The following CLEC4C variants were observed in gnomAD, a reference collection of about 807,000 sequenced individuals.
The protein encoded by CLEC4C is C-type lectin domain family 4 member C.
In CLEC4C, 17 loss-of-function variants were observed where a neutral mutation model predicts 27.7. The ratio of observed to expected loss-of-function variants is 0.61; its 90% CI spans 0.42 to 0.92. The LOEUF (loss-of-function observed/expected upper bound fraction) is 0.92. CLEC4C is among the 40% of genes least tolerant of loss of function. CLEC4C has a pLI of 0.00. For missense variants in CLEC4C, 244 were observed against 257.3 expected (o/e 0.95, Z 0.35); for synonymous variants, 80 against 80.8 (o/e 0.99, Z 0.06).
chr12:7,736,475 TTAA>T (rs1385982752), intron 4 of CLEC4C, among the ~76,000 whole-genome samples: 1 of 152,206 alleles, frequency 6.6e-6, no homozygotes, highest in Non-Finnish European at 1.5e-5. Context: ...ATGGCAAATA[TTAA>T]TATCATTTTT....
intron 2 of CLEC4C, among the ~76,000 whole-genome samples, chr12:7,745,631 C>T (rs1864958248): frequency 6.6e-6 from 1 of 151,286 alleles, no homozygotes; most frequent in South Asian, 2.1e-4. Context: ...CAGGGTTTCA[C>T]TATATGGTCC....
At chr12:7,739,487 G>T (rs1864805221) in intron 3 of CLEC4C, among the ~76,000 whole-genome samples, 1 of 152,016 alleles carries the variant, frequency 6.6e-6, no homozygotes, top group Non-Finnish European at 1.5e-5. Flanking sequence ...GGCCATAGAG[G>T]CATTTCTGGG....
intron 4 of CLEC4C, 41 bp downstream of exon 4, chr12:7,737,388 A>G: frequency 6.6e-7 from 1 of 1,519,880 alleles, no homozygotes. Context: ...CAGTTAAGAA[A>G]GGAAACAGAT....
chr12:7,737,593 A>G lies in CLEC4C; in HGVS notation c.236-19T>C. 6.2e-7 allele frequency: 1 copy of G among 1,601,390 alleles called. No homozygotes were observed. The highest frequency in any genetic ancestry group is 8.5e-7 in the Non-Finnish European group (1 of 1,174,944). On this transcript the variant is annotated intron_variant, in intron 3 of 5. Coordinates refer to ENST00000360345, the MANE Select transcript of CLEC4C (RefSeq NM_001371390.1). ...CTCCAATCTTCCCAAATGAGTATAG[A>G]AGAAGAAAAAATATTAACAGAGAAT...
At chr12:7,737,373 T>C in intron 4 of CLEC4C, 56 bp downstream of exon 4, 1 of 1,367,544 alleles carries the variant, frequency 7.3e-7, no homozygotes, top group Non-Finnish European at 9.7e-7. Flanking sequence ...AAAAAGACTC[T>C]TTATCAGTTA....
At chr12:7,743,448 G>A (rs528922642) in intron 2 of CLEC4C, among the ~76,000 whole-genome samples, 1 of 150,656 alleles carries the variant, frequency 6.6e-6, no homozygotes, top group Non-Finnish European at 1.5e-5. Context: ...GCAGTGGCGC[G>A]ATCTTGGCTC....
chr12:7,734,823 C>T (rs938584369), intron 4 of CLEC4C, among the ~76,000 whole-genome samples: 5 of 151,816 alleles, frequency 3.3e-5, no homozygotes, highest in Non-Finnish European at 7.4e-5. Context: ...GCTAGGATTA[C>T]AAGCATGAGC....
At chr12:7,734,349 G>C (rs1242181408) in intron 4 of CLEC4C, among the ~76,000 whole-genome samples, 1 of 152,126 alleles carries the variant, frequency 6.6e-6, no homozygotes, top group Non-Finnish European at 1.5e-5. Context: ...GCAAAAATTA[G>C]AGTCCAGAGC....
chr12:7,745,550 A>C (rs1240805563), intron 2 of CLEC4C, among the ~76,000 whole-genome samples: 1 of 144,956 alleles, frequency 6.9e-6, no homozygotes, highest in Admixed American at 7.5e-5. Flanking sequence ...CTCCTGCCTC[A>C]GCCTCCCAAG....
In CLEC4C at chr12:7,729,530, A is replaced by T; in HGVS notation, c.*66T>A. The T allele has an allele frequency of 6.7e-7, 1 of 1,487,950 alleles. No individual in the cohort carries two copies. Among genetic ancestry groups the T allele is most frequent in the Non-Finnish European group, 9.2e-7 (1 of 1,088,654 alleles). 92.2% of individuals were successfully genotyped at this position (1,487,950 alleles called of 1,614,324 possible). ...GTACAAAACTTACACATAAATTAAA[A>T]AATCAATTTAGCTTTCTACAACGGT... On this transcript the variant is annotated 3_prime_UTR_variant, in exon 6 of 6. Transcript: ENST00000360345.
At chr12:7,738,268 T>C (rs1864773690) in intron 3 of CLEC4C, among the ~76,000 whole-genome samples, 1 of 152,142 alleles carries the variant, frequency 6.6e-6, no homozygotes, top group Non-Finnish European at 1.5e-5. Flanking sequence ...TTTTCGTTTG[T>C]AAATGGGAAT....
chr12:7,747,357 C>A lies in CLEC4C; in HGVS notation c.-9G>T. The A allele has an allele frequency of 1.2e-6, 2 of 1,613,826 alleles. No individual in the cohort carries two copies. Among genetic ancestry groups the A allele is most frequent in the Non-Finnish European group, 1.7e-6 (2 of 1,179,828 alleles). Reference sequence around the variant, plus strand: ...TCTTCTTCAGGCACCATTGTGTGTGCGCACACCCTTTGGACTTCCTCTATC... The same window carrying A: ...TCTTCTTCAGGCACCATTGTGTGTGAGCACACCCTTTGGACTTCCTCTATC... On this transcript the variant is annotated 5_prime_UTR_variant, in exon 1 of 6. Coordinates refer to ENST00000360345, the MANE Select transcript of CLEC4C (RefSeq NM_001371390.1).
chr12:7,732,222 G>T (rs1864612112), intron 4 of CLEC4C, among the ~76,000 whole-genome samples: 1 of 152,232 alleles, frequency 6.6e-6, no homozygotes, highest in African/African-American at 2.4e-5. Context: ...TAGAGACGGG[G>T]TTTCACCATG....
At chr12:7,730,697 G>T in intron 5 of CLEC4C, 100 bp downstream of exon 5, 2 of 570,384 alleles carry the variant, frequency 3.5e-6, no homozygotes, top group Non-Finnish European at 6.4e-6. Context: ...GTTTTAAAAA[G>T]TGTTGTGGGT....
intron 4 of CLEC4C, among the ~76,000 whole-genome samples, chr12:7,736,856 T>G (rs1864738017): frequency 6.6e-6 from 1 of 151,722 alleles, no homozygotes; most frequent in South Asian, 2.1e-4. Flanking sequence ...TGAGCTGAGA[T>G]TGTGCCACTG....
chr12:7,745,072 A>G (rs1864939994), intron 2 of CLEC4C, among the ~76,000 whole-genome samples: 3 of 152,218 alleles, frequency 2.0e-5, no homozygotes, highest in Admixed American at 1.3e-4. Context: ...CCATCAGCAC[A>G]CCCATCAAAG....
chr12:7,748,929 G>C (rs138802553), upstream of CLEC4C, among the ~76,000 whole-genome samples: 6 of 152,340 alleles, frequency 3.9e-5, no homozygotes, highest in Admixed American at 6.5e-5. Context: ...AGTATGACCA[G>C]AGTATTGCAA....
At chr12:7,738,814 T>C (rs1344477810) in intron 3 of CLEC4C, among the ~76,000 whole-genome samples, 1 of 152,024 alleles carries the variant, frequency 6.6e-6, no homozygotes, top group Non-Finnish European at 1.5e-5. Flanking sequence ...CCTATGATAG[T>C]TTTGTTTTGT....
At chr12:7,738,851 T>G (rs1219193015) in intron 3 of CLEC4C, among the ~76,000 whole-genome samples, 2 of 152,082 alleles carry the variant, frequency 1.3e-5, no homozygotes, top group Non-Finnish European at 2.9e-5. Context: ...AGTTCTAGGG[T>G]ACATGTGCAC....
Sources: gnomAD v4.1 joint callset for allele counts (sites outside exome capture counted in the v4.1 genomes callset) on GRCh38, gnomAD v4.1.1 for gene constraint, MANE v1.5 for transcripts, NCBI Gene and HGNC (gene_info 2026-07-23, HGNC 2026-07-21) for gene names.